Variants in LIN52 observed in about 807,000 individuals in gnomAD.
The protein encoded by LIN52 is protein lin-52 homolog.
LIN52 carries 4 observed loss-of-function variants against 18.5 expected under a neutral mutation model. That is an observed-to-expected ratio of 0.22 (90% CI 0.11 to 0.49). The LOEUF (loss-of-function observed/expected upper bound fraction) is 0.49, where lower values mean the gene tolerates loss of function less well. Among genes scored for constraint, LIN52 ranks in the 20% least tolerant of loss-of-function variants. The pLI is 0.97. For synonymous variants in LIN52, 34 were observed against 45.5 expected (o/e 0.75, Z 1.02); for missense variants, 102 against 139.5 (o/e 0.73, Z 1.35).
chr14:74,135,780 CCT>C (rs1180124341), intron 5 of LIN52, among the ~76,000 whole-genome samples: 1 of 151,838 alleles, frequency 6.6e-6, no homozygotes, highest in Non-Finnish European at 1.5e-5. Flanking sequence ...TCTTCAGGCC[CCT>C]TTGTCAGTCA....
intron 5 of LIN52, among the ~76,000 whole-genome samples, chr14:74,155,551 C>T (rs1394350926): frequency 6.6e-6 from 1 of 152,202 alleles, no homozygotes; most frequent in Non-Finnish European, 1.5e-5. Flanking sequence ...TTCTCTGCCC[C>T]TTCATTCTCC....
At chr14:74,099,700 G>A (rs1162707641) in intron 4 of LIN52, among the ~76,000 whole-genome samples, 1 of 151,956 alleles carries the variant, frequency 6.6e-6, no homozygotes, top group Non-Finnish European at 1.5e-5. Flanking sequence ...TGGTGGGTTG[G>A]GGGGACAGTG....
chr14:74,118,014 G>A (rs1176960880), intron 5 of LIN52, among the ~76,000 whole-genome samples: 1 of 152,216 alleles, frequency 6.6e-6, no homozygotes, highest in African/African-American at 2.4e-5. Context: ...AGGAGGACAC[G>A]TTTAAGACTG....
intron 5 of LIN52, among the ~76,000 whole-genome samples, chr14:74,109,666 T>A (rs2060915644): frequency 6.6e-6 from 1 of 152,238 alleles, no homozygotes; most frequent in Non-Finnish European, 1.5e-5. Context: ...AATATTATAC[T>A]TCATTTGTTA....
chr14:74,192,506 G>A (rs772308320), intron 5 of LIN52: 11 of 161,602 alleles, frequency 6.8e-5, no homozygotes, highest in Non-Finnish European at 9.4e-5. Context: ...GGCTGGTCTC[G>A]AACTCCTGAC....
At chr14:74,197,350 C>G (rs2078919520) in intron 5 of LIN52, among the ~76,000 whole-genome samples, 1 of 152,116 alleles carries the variant, frequency 6.6e-6, no homozygotes, top group Non-Finnish European at 1.5e-5. Flanking sequence ...AAAATAAGGG[C>G]TATATGAATT....
At chr14:74,162,475 C>CCA (rs375076396) in intron 5 of LIN52, among the ~76,000 whole-genome samples, 5 of 95,352 alleles carry the variant, frequency 5.2e-5, no homozygotes, top group South Asian at 4.0e-4. Flanking sequence ...CTCCATCTCA[C>CCA]AAAAAAAAAA....
intron 4 of LIN52, among the ~76,000 whole-genome samples, chr14:74,099,216 A>G (rs2060837199): frequency 6.6e-6 from 1 of 152,230 alleles, no homozygotes; most frequent in Admixed American, 6.5e-5. Flanking sequence ...TAAACAGCTG[A>G]ACATATCAAG....
chr14:74,117,896 A>G (rs1654886732), intron 5 of LIN52, among the ~76,000 whole-genome samples: 1 of 152,208 alleles, frequency 6.6e-6, no homozygotes, highest in African/African-American at 2.4e-5. Context: ...AGTCTAAACT[A>G]AAAGCTTGTT....
At chr14:74,130,140 G>A (rs1274300472) in intron 5 of LIN52, among the ~76,000 whole-genome samples, 4 of 151,874 alleles carry the variant, frequency 2.6e-5, no homozygotes, top group Non-Finnish European at 5.9e-5. Context: ...CCTACAACAC[G>A]TGGGAATTAT....
chr14:74,139,373 G>T (rs565551433), intron 5 of LIN52, among the ~76,000 whole-genome samples: 2 of 152,218 alleles, frequency 1.3e-5, no homozygotes, highest in Non-Finnish European at 2.9e-5. Context: ...GTCAGTAGAA[G>T]GATGTGAGGT....
rs140044075 is a variant in LIN52, at chr14:74,095,071, C to T, written c.95-877C>T. 1.6e-3 allele frequency among the ~76,000 whole-genome samples: 238 copies of T among 151,786 alleles called. 1 individual carries two copies. In the Middle Eastern group the frequency reaches 0.038, roughly 24 times the overall value. ...GATAGCTTACTGCAGCCTCCAACTC[C>T]TGAGTTCAAGCCATCCTCCTGCCTC... On this transcript the variant is annotated intron_variant, in intron 2 of 5. Coordinates refer to ENST00000555028, the MANE Select transcript of LIN52 (RefSeq NM_001024674.3).
intron 5 of LIN52, among the ~76,000 whole-genome samples, chr14:74,147,863 T>C (rs11159063): frequency 0.44 from 67,314 of 151,980 alleles, 16,095 homozygotes; most frequent in Non-Finnish European, 0.53. Flanking sequence ...GTTTTGCAAG[T>C]TGAAAAAGTT....
intron 5 of LIN52, among the ~76,000 whole-genome samples, chr14:74,175,223 A>G (rs1251686407): frequency 6.6e-6 from 1 of 151,910 alleles, no homozygotes; most frequent in African/African-American, 2.4e-5. Context: ...TTCTTTGATA[A>G]TAAATTAACC....
At chr14:74,117,424 T>C (rs1421950922) in intron 5 of LIN52, among the ~76,000 whole-genome samples, 1 of 152,050 alleles carries the variant, frequency 6.6e-6, no homozygotes, top group Non-Finnish European at 1.5e-5. Context: ...CTGTCAATCT[T>C]AAATAGAACT....
chr14:74,165,720 G>A (rs904748947), intron 5 of LIN52, among the ~76,000 whole-genome samples: 3 of 151,628 alleles, frequency 2.0e-5, no homozygotes, highest in Non-Finnish European at 4.4e-5. Flanking sequence ...TGTTGGCCAG[G>A]GTGCTATCGA....
At chr14:74,191,996 G>C (rs895753785) in intron 5 of LIN52, among the ~76,000 whole-genome samples, 10 of 152,144 alleles carry the variant, frequency 6.6e-5, no homozygotes, top group African/African-American at 2.4e-4. Context: ...AGTTAAAGAA[G>C]GTAGCTCCAC....
chr14:74,142,621 C>T (rs566857118), intron 5 of LIN52, among the ~76,000 whole-genome samples: 73 of 151,648 alleles, frequency 4.8e-4, no homozygotes, highest in African/African-American at 1.7e-3. Context: ...TGCTCAGTAG[C>T]CATGTGTCGC....
At chr14:74,161,461 A>G (rs1015792219) in intron 5 of LIN52, among the ~76,000 whole-genome samples, 11 of 152,228 alleles carry the variant, frequency 7.2e-5, no homozygotes, top group Non-Finnish European at 1.6e-4. Flanking sequence ...TGCTGGGATT[A>G]CCGGCGTCAG....
Sources: allele counts gnomAD v4.1 joint callset (sites outside exome capture counted in the v4.1 genomes callset), GRCh38; gene constraint gnomAD v4.1.1; transcripts MANE v1.5; gene names NCBI Gene and HGNC (gene_info 2026-07-23, HGNC 2026-07-21).